OTOGL: variants seen among roughly 807,000 people sequenced by gnomAD.
The protein encoded by OTOGL is otogelin-like protein.
OTOGL carries 285 observed loss-of-function variants against 318.5 expected under a neutral mutation model. The ratio of observed to expected loss-of-function variants is 0.89; its 90% CI spans 0.81 to 0.99. The LOEUF (loss-of-function observed/expected upper bound fraction) is 0.99, where lower values mean the gene tolerates loss of function less well. Ranked by LOEUF, OTOGL falls within the 50% of genes least tolerant of loss-of-function variation. OTOGL has a pLI of 0.00. For missense variants in OTOGL, 2,899 were observed against 2,845.6 expected (o/e 1.02, Z -0.43); for synonymous variants, 987 against 936.5 (o/e 1.05, Z -0.99).
Position 80,377,878 on chromosome 12 carries a change from C to T in OTOGL, c.6892C>T (p.Pro2298Ser). The change falls in exon 59 of 59, where the codon CCA becomes TCA. Residue 2298 changes from proline (P) to serine (S), a missense_variant. Transcript: ENST00000547103. Reference sequence around the variant, plus strand: ...TGTTGCATCTTGTGACGGCAAATGCCCATCAGCTACCATATATAACATCAA... The same window carrying T: ...TGTTGCATCTTGTGACGGCAAATGCTCATCAGCTACCATATATAACATCAA... ...INVASCDGKC[P>S]SATIYNINIE... The T allele has an allele frequency of 1.2e-6, 2 of 1,611,142 alleles. No homozygotes were observed. The highest frequency in any genetic ancestry group is 1.7e-6 in the Non-Finnish European group (2 of 1,178,214).
intron 1 of OTOGL, among the ~76,000 whole-genome samples, chr12:80,198,532 C>G (rs1876239249): frequency 6.6e-6 from 1 of 152,188 alleles, no homozygotes; most frequent in South Asian, 2.1e-4. Flanking sequence ...TGCAGTGAGC[C>G]GAGATCATGC....
chr12:80,234,225 T>C (rs2137410580), intron 9 of OTOGL, among the ~76,000 whole-genome samples: 1 of 152,254 alleles, frequency 6.6e-6, no homozygotes, highest in South Asian at 2.1e-4. Context: ...CCAGTATTAT[T>C]TTCTGAATTT....
chr12:80,319,570 G>C (rs533619952), intron 33 of OTOGL, among the ~76,000 whole-genome samples: 17 of 151,924 alleles, frequency 1.1e-4, no homozygotes, highest in African/African-American at 3.9e-4. Context: ...TATTATTCTT[G>C]GCATCTTTTG....
chr12:80,178,135 G>T (rs542747369), intron 1 of OTOGL, among the ~76,000 whole-genome samples: 1 of 133,348 alleles, frequency 7.5e-6, no homozygotes, highest in Non-Finnish European at 1.5e-5. Flanking sequence ...ATCTCGGCTC[G>T]CTGCAGCCTC....
intron 1 of OTOGL, among the ~76,000 whole-genome samples, chr12:80,164,430 G>C (rs1455224013): frequency 6.6e-6 from 1 of 152,122 alleles, no homozygotes; most frequent in East Asian, 1.9e-4. Context: ...CTTGTTATAA[G>C]TCTGTTCAAA....
intron 27 of OTOGL, among the ~76,000 whole-genome samples, chr12:80,301,760 A>T (rs185568256): frequency 7.2e-5 from 11 of 152,192 alleles, no homozygotes; most frequent in Admixed American, 1.3e-4. Flanking sequence ...GTTCCCCCTT[A>T]TCCATGAGGG....
At chr12:80,291,190 T>C (rs1245391800) in intron 26 of OTOGL, among the ~76,000 whole-genome samples, 2 of 152,196 alleles carry the variant, frequency 1.3e-5, no homozygotes, top group African/African-American at 2.4e-5. Flanking sequence ...TAATAAATAA[T>C]GGACAAGGCC....
At chr12:80,231,203 A>G (rs1879327807) in intron 8 of OTOGL, among the ~76,000 whole-genome samples, 1 of 152,188 alleles carries the variant, frequency 6.6e-6, no homozygotes, top group African/African-American at 2.4e-5. Flanking sequence ...TAAACTTAGA[A>G]ACTTAAAACA....
chr12:80,297,200 C>T (rs1885462119), intron 27 of OTOGL, among the ~76,000 whole-genome samples: 2 of 152,008 alleles, frequency 1.3e-5, no homozygotes, highest in South Asian at 4.1e-4. Flanking sequence ...CCATTTGGGC[C>T]CTTGCAACCC....
At chr12:80,251,555 T>C (rs1881547270) in intron 11 of OTOGL, 138 bp from the exon 12 acceptor site, 1 of 596,178 alleles carries the variant, frequency 1.7e-6, no homozygotes, top group Admixed American at 3.4e-5. Context: ...AGATATATTA[T>C]GAGTGACACA....
intron 11 of OTOGL, among the ~76,000 whole-genome samples, chr12:80,246,004 A>G (rs1388915425): frequency 2.0e-4 from 29 of 148,212 alleles, no homozygotes; most frequent in African/African-American, 7.1e-4. Flanking sequence ...ATTTTTGTAC[A>G]TTGATTTTGT....
At position 80,380,129 on chromosome 12, in the gene OTOGL, C is replaced by T. The variant is rs555761573; in HGVS notation, c.*2081C>T. The T allele has an allele frequency of 3.3e-5, 5 of 151,866 alleles. No individual in the cohort carries two copies. Among genetic ancestry groups the T allele is most frequent in the African/African-American group, 1.2e-4 (5 of 41,466 alleles). 9.4% of individuals were successfully genotyped at this position (151,866 alleles called of 1,614,324 possible). Reference sequence around the variant, plus strand: ...ATACATCCATTGACATTAGGATAACCTCCAAATGAATCAGAGATTTAAATG... The same window carrying T: ...ATACATCCATTGACATTAGGATAACTTCCAAATGAATCAGAGATTTAAATG... On this transcript the variant is annotated 3_prime_UTR_variant, in exon 59 of 59. Transcript: ENST00000547103.
chr12:80,123,369 T>A (rs1037735830), intron 1 of OTOGL, among the ~76,000 whole-genome samples: 1 of 152,210 alleles, frequency 6.6e-6, no homozygotes, highest in African/African-American at 2.4e-5. Context: ...GAACTCATCA[T>A]TTTTTAAGGC....
intron 11 of OTOGL, among the ~76,000 whole-genome samples, chr12:80,249,536 C>T (rs1369003525): frequency 2.6e-5 from 4 of 151,848 alleles, no homozygotes; most frequent in African/African-American, 7.3e-5. Flanking sequence ...AGATCTCCAG[C>T]TGCGTGCTGG....
intron 5 of OTOGL, among the ~76,000 whole-genome samples, chr12:80,218,308 A>G (rs1424612115): frequency 2.0e-5 from 3 of 152,218 alleles, no homozygotes; most frequent in African/African-American, 2.4e-5. Context: ...CTAAGTTAAA[A>G]CAGCATATTT....
At chr12:80,274,967 T>G (rs1323445483) in intron 24 of OTOGL, among the ~76,000 whole-genome samples, 1 of 151,994 alleles carries the variant, frequency 6.6e-6, no homozygotes, top group Admixed American at 6.6e-5. Context: ...TACTACCTAT[T>G]GGCAGTGCAC....
rs112273418 is a variant in OTOGL at position 80,102,531 on chromosome 12, C to A, written c.-20+2926C>A. Among the ~76,000 whole-genome samples, 461 of 152,152 alleles carry A rather than the reference C, an allele frequency of 3.0e-3. 4 individuals are homozygous for A. Among genetic ancestry groups the A allele is most frequent in the African/African-American group, 0.01 (424 of 41,506 alleles). On this transcript the variant is annotated intron_variant, in intron 1 of 58. Coordinates refer to ENST00000547103, the MANE Select transcript of OTOGL (RefSeq NM_001378609.3). ...TTTTAGCTTTAAGTATTTCTTGAAC[C>A]GGCTACTTCTCTACATCTCCACTGT...
intron 1 of OTOGL, among the ~76,000 whole-genome samples, chr12:80,188,406 CAT>C (rs1433949011): frequency 2.6e-5 from 4 of 151,740 alleles, no homozygotes; most frequent in African/African-American, 4.8e-5. Context: ...GGTGTGGTGG[CAT>C]GCGCCTGTAA....
chr12:80,219,365 G>A (rs991649497), intron 5 of OTOGL, among the ~76,000 whole-genome samples: 6 of 152,198 alleles, frequency 3.9e-5, no homozygotes, highest in African/African-American at 1.4e-4. Context: ...GCCTGCCTTG[G>A]CTTCCCAGAG....
Sources: gnomAD v4.1 joint callset for allele counts (sites outside exome capture counted in the v4.1 genomes callset) on GRCh38, gnomAD v4.1.1 for gene constraint, MANE v1.5 for transcripts, NCBI Gene and HGNC (gene_info 2026-07-23, HGNC 2026-07-21) for gene names.